The following EYA4 variants were observed in gnomAD, a reference collection of about 807,000 sequenced individuals.
The protein encoded by EYA4 is EYA transcriptional coactivator and phosphatase 4.
A neutral mutation model predicts 87.9 loss-of-function variants in EYA4; 31 were observed. The observed-to-expected ratio is 0.35, with a 90% CI of 0.27 to 0.48. EYA4 has a LOEUF of 0.48. EYA4 is among the 20% of genes least tolerant of loss of function. EYA4 has a pLI of 0.99. For synonymous variants in EYA4, 263 were observed against 270.6 expected, an observed-to-expected ratio of 0.97 and a Z score of 0.28; for missense variants, 678 against 761.4, an observed-to-expected ratio of 0.89 and a Z score of 1.29.
chr6:133,456,744 A>G (rs1378756524), intron 6 of EYA4, 96 bp downstream of exon 6: 3 of 779,496 alleles, frequency 3.8e-6, no homozygotes, highest in Non-Finnish European at 2.3e-6. Flanking sequence ...AAGCTCTTAG[A>G]ACTTTGATCC....
chr6:133,330,001 G>A (rs770815727), intron 2 of EYA4, among the ~76,000 whole-genome samples: 5 of 152,028 alleles, frequency 3.3e-5, no homozygotes, highest in Non-Finnish European at 2.9e-5. Context: ...TCAGAGCCAG[G>A]AACTTGACCA....
At position 133,525,224 on chromosome 6, in the gene EYA4, T is replaced by TG. The variant is rs1800536208; in HGVS notation, c.1811dup (p.Val605CysfsTer57). 1 of 1,613,578 alleles carries TG rather than the reference T, an allele frequency of 6.2e-7. No homozygotes were observed. ...AAGTAGTGTATGTTGTAATTGGGGA[T>TG]GGTGTAGAAGAAGAACAGGCAGCAA... On this transcript the variant is annotated frameshift_variant, in exon 19 of 20. Coordinates refer to ENST00000355286, the MANE Select transcript of EYA4 (RefSeq NM_004100.5). LOFTEE classifies it high-confidence loss of function.
At chr6:133,377,635 A>AT (rs1456690611) in intron 2 of EYA4, among the ~76,000 whole-genome samples, 4 of 95,592 alleles carry the variant, frequency 4.2e-5, no homozygotes, top group African/African-American at 1.2e-4. Flanking sequence ...TATCTGGATA[A>AT]TTTTTTCAAA....
At chr6:133,251,934 A>G (rs188126957) in intron 1 of EYA4, among the ~76,000 whole-genome samples, 1 of 152,360 alleles carries the variant, frequency 6.6e-6, no homozygotes, top group East Asian at 1.9e-4. Context: ...AACAATTCTC[A>G]TTAGTCTGTG....
At chr6:133,480,065 A>G (rs750570879) in intron 11 of EYA4, among the ~76,000 whole-genome samples, 5 of 152,218 alleles carry the variant, frequency 3.3e-5, no homozygotes, top group Non-Finnish European at 7.3e-5. Context: ...AGAGAGGGTC[A>G]TTAACACATG....
At chr6:133,274,016 A>G (rs1464870721) in intron 1 of EYA4, among the ~76,000 whole-genome samples, 1 of 152,158 alleles carries the variant, frequency 6.6e-6, no homozygotes, top group Non-Finnish European at 1.5e-5. Flanking sequence ...AAAATCCTCT[A>G]TCTGGGGATT....
chr6:133,443,842 C>T (rs1008279260), intron 3 of EYA4, among the ~76,000 whole-genome samples: 9 of 151,654 alleles, frequency 5.9e-5, no homozygotes, highest in African/African-American at 1.7e-4. Flanking sequence ...GTCTTATTAC[C>T]ATTGCTTTCT....
chr6:133,324,740 T>A (rs1430282982), intron 2 of EYA4, among the ~76,000 whole-genome samples: 1 of 152,042 alleles, frequency 6.6e-6, no homozygotes, highest in Non-Finnish European at 1.5e-5. Flanking sequence ...AGTGGAAGGT[T>A]GCATGAACTT....
intron 13 of EYA4, among the ~76,000 whole-genome samples, chr6:133,483,470 TTTAAA>T (rs146835623): frequency 0.03 from 4,511 of 151,982 alleles, 249 homozygotes; most frequent in East Asian, 0.18. Flanking sequence ...TAAGAAATTG[TTTAAA>T]TTAATTTGTT....
intron 13 of EYA4, among the ~76,000 whole-genome samples, chr6:133,489,218 A>G (rs964332733): frequency 6.6e-6 from 1 of 152,190 alleles, no homozygotes. Flanking sequence ...GAGACAAAAG[A>G]AAAAAGAATA....
At chr6:133,242,514 C>T (rs1430929957) in intron 1 of EYA4, among the ~76,000 whole-genome samples, 1 of 152,106 alleles carries the variant, frequency 6.6e-6, no homozygotes, top group African/African-American at 2.4e-5. Flanking sequence ...AGGTTTTTCT[C>T]TCCTTCCAAG....
At chr6:133,285,060 G>A (rs1777930499) in intron 2 of EYA4, among the ~76,000 whole-genome samples, 2 of 150,168 alleles carry the variant, frequency 1.3e-5, no homozygotes, top group Non-Finnish European at 3.0e-5. Context: ...GCAGTGGCGC[G>A]AGCTCGGCTC....
intron 13 of EYA4, among the ~76,000 whole-genome samples, chr6:133,500,960 G>T (rs1344193785): frequency 6.6e-6 from 1 of 152,140 alleles, no homozygotes; most frequent in Non-Finnish European, 1.5e-5. Context: ...TCTTGCTGGG[G>T]CCTCTCACAT....
intron 17 of EYA4, among the ~76,000 whole-genome samples, chr6:133,519,904 A>ATC (rs925692858): frequency 1.1e-4 from 16 of 151,750 alleles, no homozygotes; most frequent in Non-Finnish European, 2.1e-4. Flanking sequence ...CCACATGATT[A>ATC]TCTCAATAGA....
chr6:133,512,516 A>G (rs574470452), intron 14 of EYA4, among the ~76,000 whole-genome samples: 78 of 152,142 alleles, frequency 5.1e-4, no homozygotes, highest in Non-Finnish European at 7.6e-4. Flanking sequence ...CCTCCTTTCT[A>G]TGGAACTCTT....
intron 2 of EYA4, among the ~76,000 whole-genome samples, chr6:133,299,890 C>A (rs1428825300): frequency 6.7e-6 from 1 of 150,158 alleles, no homozygotes; most frequent in African/African-American, 2.4e-5. Context: ...TATACACACA[C>A]ACTTATATAC....
intron 13 of EYA4, among the ~76,000 whole-genome samples, chr6:133,484,670 G>T (rs1192455606): frequency 6.6e-6 from 1 of 152,136 alleles, no homozygotes; most frequent in African/African-American, 2.4e-5. Context: ...AGTAGTATTG[G>T]CTTATCAGAA....
intron 1 of EYA4, chr6:133,248,590 A>G (rs955785350): frequency 3.9e-5 from 6 of 152,232 alleles, no homozygotes; most frequent in African/African-American, 1.4e-4. Context: ...GAATATTTCT[A>G]ACTTAATGTT....
At chr6:133,482,490 T>C (rs1002602282) in intron 12 of EYA4, among the ~76,000 whole-genome samples, 4 of 152,206 alleles carry the variant, frequency 2.6e-5, no homozygotes, top group African/African-American at 9.6e-5. Flanking sequence ...GTCAAAACCC[T>C]GAAGTTTGTG....
Sources: gnomAD v4.1 joint callset for allele counts (sites outside exome capture counted in the v4.1 genomes callset) on GRCh38, gnomAD v4.1.1 for gene constraint, MANE v1.5 for transcripts, NCBI Gene and HGNC (gene_info 2026-07-23, HGNC 2026-07-21) for gene names.